The following ZEB1 variants were observed in gnomAD, a reference collection of about 807,000 sequenced individuals.
ZEB1 encodes the protein zinc finger E-box-binding homeobox 1.
Under a neutral mutation model 84.9 loss-of-function variants are expected in ZEB1, and 21 were observed. That is an observed-to-expected ratio of 0.25 (90% CI 0.18 to 0.36). The LOEUF is 0.36. Ranked by LOEUF, ZEB1 falls within the 10% of genes least tolerant of loss-of-function variation. The probability of loss-of-function intolerance (pLI) is 1.00; values close to 1 mark genes in which losing one functional copy is unlikely to be tolerated. For synonymous variants in ZEB1, 420 were observed against 471.1 expected, an observed-to-expected ratio of 0.89 and a Z score of 1.41; for missense variants, 1,104 against 1,330.2, an observed-to-expected ratio of 0.83 and a Z score of 2.65.
chr10:31,382,233 T>C (rs746505550), intron 1 of ZEB1, among the ~76,000 whole-genome samples: 7 of 151,972 alleles, frequency 4.6e-5, no homozygotes, highest in Non-Finnish European at 8.8e-5. Flanking sequence ...ACATTTAACA[T>C]TTTGTGAGTT....
In ZEB1 at chr10:31,400,585, G is replaced by T. The variant is rs145294630; in HGVS notation, c.59-60452G>T. ...GCTATGATGTGAATACTTTTTAAAA[G>T]AATCTTTTATCATTAAAAGTAGTCA... On this transcript the variant is annotated intron_variant, in intron 1 of 8. Transcript: ENST00000424869. Among the ~76,000 whole-genome samples the T allele has an allele frequency of 1.5e-3, 224 of 152,052 alleles. 1 individual carries two copies. The highest frequency in any genetic ancestry group is 5.1e-3 in the African/African-American group (212 of 41,518).
chr10:31,373,164 GA>G, intron 1 of ZEB1: 3 of 984,984 alleles, frequency 3.0e-6, no homozygotes, highest in Non-Finnish European at 3.6e-6. Context: ...CTATCAAAAG[GA>G]AGTCAATGGT....
At chr10:31,513,623 C>G (rs1210170745) in intron 5 of ZEB1, among the ~76,000 whole-genome samples, 1 of 152,106 alleles carries the variant, frequency 6.6e-6, no homozygotes, top group African/African-American at 2.4e-5. Context: ...AAGGGAGATT[C>G]CAGCTGGAAG....
intron 1 of ZEB1, among the ~76,000 whole-genome samples, chr10:31,342,246 A>G (rs1431121001): frequency 6.6e-6 from 1 of 152,188 alleles, no homozygotes; most frequent in Non-Finnish European, 1.5e-5. Flanking sequence ...TTTTACAGAT[A>G]TGGAAACCGG....
At chr10:31,487,565 C>T (rs562871037) in intron 2 of ZEB1, among the ~76,000 whole-genome samples, 19 of 151,356 alleles carry the variant, frequency 1.3e-4, no homozygotes, top group Admixed American at 1.3e-3. Context: ...CAGTTCATTG[C>T]CTATGTAGAC....
intron 3 of ZEB1, among the ~76,000 whole-genome samples, 185 bp downstream of exon 3, chr10:31,496,023 G>C (rs1163777723): frequency 6.6e-6 from 1 of 152,030 alleles, no homozygotes; most frequent in Non-Finnish European, 1.5e-5. Context: ...CTTAAATACA[G>C]AGTAACTTAC....
chr10:31,418,622 G>A (rs1197783655), intron 1 of ZEB1, among the ~76,000 whole-genome samples: 2 of 152,084 alleles, frequency 1.3e-5, no homozygotes, highest in African/African-American at 4.8e-5. Context: ...AGAAGTGTTA[G>A]TTTCCTTGGT....
chr10:31,468,693 C>T (rs2062756823), intron 2 of ZEB1, among the ~76,000 whole-genome samples: 1 of 152,122 alleles, frequency 6.6e-6, no homozygotes, highest in East Asian at 1.9e-4. Flanking sequence ...AGAGCCTTGG[C>T]CCCCTAAAAG....
At chr10:31,403,080 G>T (rs773884631) in intron 1 of ZEB1, among the ~76,000 whole-genome samples, 2 of 152,200 alleles carry the variant, frequency 1.3e-5, no homozygotes, top group East Asian at 3.9e-4. Flanking sequence ...TAGAAAAGGT[G>T]CAGGCTTTGG....
intron 1 of ZEB1, among the ~76,000 whole-genome samples, chr10:31,370,194 T>C (rs1224662886): frequency 6.6e-6 from 1 of 152,218 alleles, no homozygotes; most frequent in Admixed American, 6.6e-5. Context: ...CTCATTTATA[T>C]AGAATTGGGA....
At chr10:31,447,238 C>G (rs2059910025) in intron 1 of ZEB1, among the ~76,000 whole-genome samples, 1 of 151,418 alleles carries the variant, frequency 6.6e-6, no homozygotes. Context: ...GATTGCAACC[C>G]CTGCCTTTTT....
intron 1 of ZEB1, among the ~76,000 whole-genome samples, chr10:31,336,646 TGAA>T: frequency 6.6e-6 from 1 of 152,220 alleles, no homozygotes; most frequent in African/African-American, 2.4e-5. Flanking sequence ...GAAATAAAGA[TGAA>T]CAATCTGATA....
chr10:31,444,832 T>G (rs1294627419), intron 1 of ZEB1, among the ~76,000 whole-genome samples: 2 of 151,722 alleles, frequency 1.3e-5, no homozygotes, highest in Admixed American at 6.6e-5. Context: ...TAGTATAGTT[T>G]GAAGTCAGGT....
At chr10:31,474,230 A>C (rs1182363570) in intron 2 of ZEB1, among the ~76,000 whole-genome samples, 1 of 151,978 alleles carries the variant, frequency 6.6e-6, no homozygotes, top group African/African-American at 2.4e-5. Flanking sequence ...TAAACTAAAG[A>C]GCTTCTGTAC....
intron 1 of ZEB1, among the ~76,000 whole-genome samples, chr10:31,397,934 A>T (rs1480535436): frequency 1.3e-5 from 2 of 152,166 alleles, no homozygotes; most frequent in Non-Finnish European, 2.9e-5. Context: ...TTGGGAGTAT[A>T]TTTATATAAT....
In ZEB1 at chr10:31,383,212, G is replaced by A. The variant is rs539758992; in HGVS notation, c.58+63920G>A. On this transcript the variant is annotated intron_variant, in intron 1 of 8. Coordinates refer to ENST00000424869, the MANE Select transcript of ZEB1 (RefSeq NM_001174096.2). ...CAACACTGTTCAGGAGAGCTTTGTG[G>A]TGATAGAAATATTCTGTGATTGCAC... Among the ~76,000 whole-genome samples the A allele has an allele frequency of 2.8e-4, 42 of 152,178 alleles. 1 individual carries two copies. The South Asian group carries it at 8.5e-3, about 31-fold the overall frequency.
chr10:31,384,013 G>A (rs532865262), intron 1 of ZEB1, among the ~76,000 whole-genome samples: 4 of 114,746 alleles, frequency 3.5e-5, no homozygotes, highest in Admixed American at 1.2e-4. Context: ...TCACTCTGTC[G>A]CCCAGACTGG....
chr10:31,353,287 C>A (rs2041600941), intron 1 of ZEB1, among the ~76,000 whole-genome samples: 1 of 152,174 alleles, frequency 6.6e-6, no homozygotes, highest in African/African-American at 2.4e-5. Flanking sequence ...AAAGATAAAT[C>A]ATAATTCATC....
chr10:31,527,602 T>A lies in ZEB1; in HGVS notation c.*338T>A, dbSNP rs1055931535. The A allele has an allele frequency of 1.1e-5, 3 of 274,604 alleles. No individual in the cohort carries two copies. The highest frequency in any genetic ancestry group is 2.1e-5 in the Non-Finnish European group (3 of 144,728). The allele number at this position is 274,604 out of a possible 1,614,324, so 17.0% of individuals were successfully genotyped here. On this transcript the variant is annotated 3_prime_UTR_variant, in exon 9 of 9. Transcript: ENST00000424869. ...AAGAGGTTAAAGGAAGCTGATTAAT[T>A]AGATATGCATCTGGCATTGTTTTAT...
Sources: allele counts gnomAD v4.1 joint callset (sites outside exome capture counted in the v4.1 genomes callset), GRCh38; gene constraint gnomAD v4.1.1; transcripts MANE v1.5; gene names NCBI Gene and HGNC (gene_info 2026-07-23, HGNC 2026-07-21).